FRMPD1: variants seen among roughly 807,000 people sequenced by gnomAD.
FRMPD1 encodes FERM and PDZ domain-containing protein 1.
In FRMPD1, 76 loss-of-function variants were observed where a neutral mutation model predicts 117.8. That is an observed-to-expected ratio of 0.65 (90% CI 0.54 to 0.78). The LOEUF is 0.78. FRMPD1 is among the 30% of genes least tolerant of loss of function. The probability of loss-of-function intolerance (pLI) is 0.00; values close to 1 mark genes in which losing one functional copy is unlikely to be tolerated. For synonymous variants in FRMPD1, 783 were observed against 770.4 expected (o/e 1.02, Z -0.27); for missense variants, 1,786 against 1,964.5 (o/e 0.91, Z 1.72).
the FRMPD1 span, among the ~76,000 whole-genome samples, chr9:37,621,984 A>G: frequency 6.6e-6 from 1 of 152,226 alleles, no homozygotes; most frequent in Non-Finnish European, 1.5e-5. Context: ...TGTTCTGCTG[A>G]GAATGCCTTC....
Position 37,746,838 on chromosome 9 carries a change from C to A in FRMPD1, c.*69C>A. 1 of 984,052 alleles carries A rather than the reference C, an allele frequency of 1.0e-6. No individual in the cohort carries two copies. The highest frequency in any genetic ancestry group is 1.6e-6 in the Non-Finnish European group (1 of 630,750). 61.0% of individuals were successfully genotyped at this position (984,052 alleles called of 1,614,324 possible). On this transcript the variant is annotated 3_prime_UTR_variant, in exon 16 of 16. Coordinates refer to ENST00000377765, the MANE Select transcript of FRMPD1 (RefSeq NM_014907.3). Reference sequence around the variant, plus strand: ...ACACTTCCCTGAGAAGCCCCTTCCACTCTCCCACCCACCCTCTTCAAATGT... The same window carrying A: ...ACACTTCCCTGAGAAGCCCCTTCCAATCTCCCACCCACCCTCTTCAAATGT...
Position 37,744,197 on chromosome 9 carries a change from T to TA in FRMPD1, c.2357-183dup, listed in dbSNP as rs1416200193. ...AGAAAGAGACTCCGTCTCAAAAAAA[T>TA]AAAAAAAAATCTGTCACAATTATTA... On this transcript the variant is annotated intron_variant, in intron 15 of 15. Coordinates refer to ENST00000377765, the MANE Select transcript of FRMPD1 (RefSeq NM_014907.3). 1.7e-3 allele frequency among the ~76,000 whole-genome samples: 257 copies of TA among 151,250 alleles called. 1 individual carries two copies. Among genetic ancestry groups the TA allele is most frequent in the Middle Eastern group, 6.8e-3 (2 of 294 alleles).
chr9:37,636,754 C>T, the FRMPD1 span: 3 of 1,602,052 alleles, frequency 1.9e-6, no homozygotes, highest in Non-Finnish European at 2.5e-6. Context: ...GCCGCTCGCC[C>T]CCGGAGGCTG....
At chr9:37,659,932 A>AAC (rs1554659730) in intron 1 of FRMPD1, among the ~76,000 whole-genome samples, 1 of 148,402 alleles carries the variant, frequency 6.7e-6, no homozygotes, top group African/African-American at 2.6e-5. Context: ...AAAAAAAAAA[A>AAC]AACAAAACTG....
chr9:37,710,911 T>C (rs1247010866), intron 4 of FRMPD1, among the ~76,000 whole-genome samples: 2 of 148,942 alleles, frequency 1.3e-5, no homozygotes, highest in Non-Finnish European at 3.0e-5. Context: ...CAAGCCAAGA[T>C]TGCGCCATTG....
At chr9:37,611,167 G>A in the FRMPD1 span, among the ~76,000 whole-genome samples, 1 of 152,266 alleles carries the variant, frequency 6.6e-6, no homozygotes, top group South Asian at 2.1e-4. Flanking sequence ...CTGCAGTCTA[G>A]CATTTGTAAT....
At chr9:37,629,979 G>T in the FRMPD1 span, among the ~76,000 whole-genome samples, 17 of 152,018 alleles carry the variant, frequency 1.1e-4, no homozygotes, top group African/African-American at 4.1e-4. Context: ...CCTTTTTCTG[G>T]GTTGCGGACT....
upstream of FRMPD1, among the ~76,000 whole-genome samples, chr9:37,650,013 G>A (rs1306922822): frequency 6.6e-6 from 1 of 152,170 alleles, no homozygotes; most frequent in Non-Finnish European, 1.5e-5. Flanking sequence ...AGTCAGTGCA[G>A]GCCTGAGTGG....
intron 14 of FRMPD1, among the ~76,000 whole-genome samples, chr9:37,738,462 C>T (rs1035840802): frequency 6.6e-6 from 1 of 152,126 alleles, no homozygotes; most frequent in African/African-American, 2.4e-5. Flanking sequence ...GCCTCAGCCT[C>T]CCAAGTAGCT....
chr9:37,637,548 A>T, the FRMPD1 span, among the ~76,000 whole-genome samples: 1 of 151,528 alleles, frequency 6.6e-6, no homozygotes, highest in African/African-American at 2.4e-5. Context: ...TAACCCCTAC[A>T]CTCTGGCAAG....
chr9:37,707,198 T>C (rs7874673), intron 2 of FRMPD1, among the ~76,000 whole-genome samples: 30,026 of 152,130 alleles, frequency 0.2, 3,284 homozygotes, highest in Non-Finnish European at 0.25. Flanking sequence ...TTTCTAGATA[T>C]TTAGCATTAG....
chr9:37,638,902 C>T, the FRMPD1 span, among the ~76,000 whole-genome samples: 4 of 152,324 alleles, frequency 2.6e-5, no homozygotes, highest in South Asian at 8.3e-4. Context: ...TGACTTCCTG[C>T]TATGAAATCC....
At chr9:37,682,645 C>A (rs1015591485) in intron 1 of FRMPD1, among the ~76,000 whole-genome samples, 1 of 152,160 alleles carries the variant, frequency 6.6e-6, no homozygotes, top group South Asian at 2.1e-4. Context: ...AATGCAAATT[C>A]TTGGGCCCTA....
At chr9:37,687,058 C>T (rs896191032) in intron 1 of FRMPD1, among the ~76,000 whole-genome samples, 4 of 152,170 alleles carry the variant, frequency 2.6e-5, no homozygotes, top group Non-Finnish European at 4.4e-5. Flanking sequence ...ATGGATGTGT[C>T]CCTCTACGTC....
chr9:37,629,193 C>T, the FRMPD1 span, among the ~76,000 whole-genome samples: 1 of 143,296 alleles, frequency 7.0e-6, no homozygotes, highest in African/African-American at 2.5e-5. Context: ...AGCGAGACTC[C>T]ATCTCCAAAA....
At chr9:37,706,742 C>A (rs1366198028) in intron 2 of FRMPD1, among the ~76,000 whole-genome samples, 1 of 152,134 alleles carries the variant, frequency 6.6e-6, no homozygotes, top group African/African-American at 2.4e-5. Flanking sequence ...TAAAGGGAAG[C>A]AAAATTCATC....
the FRMPD1 span, among the ~76,000 whole-genome samples, chr9:37,605,640 C>A: frequency 6.6e-6 from 1 of 152,120 alleles, no homozygotes; most frequent in Non-Finnish European, 1.5e-5. Flanking sequence ...GTTTGTACAG[C>A]AGATAAGACT....
At chr9:37,653,175 C>G (rs1010713183) in intron 1 of FRMPD1, among the ~76,000 whole-genome samples, 1 of 152,106 alleles carries the variant, frequency 6.6e-6, no homozygotes, top group African/African-American at 2.4e-5. Context: ...TATTGGGCCT[C>G]CGAGCGTCAC....
chr9:37,692,647 A>G lies in FRMPD1; in HGVS notation c.6A>G (p.Glu2=). Residue 2 remains glutamate, a synonymous_variant, in exon 2 of 16, where the codon GAA becomes GAG. Transcript: ENST00000377765. The stretch of plus-strand genomic sequence containing the variant: ...CTCTTCTTCCTTTTAGGTAAATGGA[A>G]GAGCTGGAGACCAGTTTATTCCAGA... The part of the protein sequence containing the change: M[E]ELETSLFQTR... The G allele has an allele frequency of 6.2e-7, 1 of 1,607,584 alleles. No individual in the cohort carries two copies. Among genetic ancestry groups the G allele is most frequent in the East Asian group, 2.2e-5 (1 of 44,858 alleles).
Sources: allele counts gnomAD v4.1 joint callset (sites outside exome capture counted in the v4.1 genomes callset), GRCh38; gene constraint gnomAD v4.1.1; transcripts MANE v1.5; gene names NCBI Gene and HGNC (gene_info 2026-07-23, HGNC 2026-07-21).